Variants in ANXA8 observed in about 807,000 individuals in gnomAD.
The protein encoded by ANXA8 is VAC-beta.
In ANXA8, 9 loss-of-function variants were observed where a neutral mutation model predicts 26.8. The observed-to-expected ratio is 0.34, with a 90% CI of 0.20 to 0.59. The LOEUF (loss-of-function observed/expected upper bound fraction) is 0.59, where lower values mean the gene tolerates loss of function less well. Among genes scored for constraint, ANXA8 ranks in the 20% least tolerant of loss-of-function variants. ANXA8 has a pLI of 0.84. For synonymous variants in ANXA8, 39 were observed against 94.8 expected, an observed-to-expected ratio of 0.41 and a Z score of 3.42; for missense variants, 83 against 238.5, an observed-to-expected ratio of 0.35 and a Z score of 4.29.
chr10:47,521,319 A>C, the ANXA8 span, among the ~76,000 whole-genome samples: 1 of 140,382 alleles, frequency 7.1e-6, no homozygotes, highest in Non-Finnish European at 1.5e-5. Context: ...AAGTTTATAC[A>C]AGTACTTACA....
chr10:47,525,322 C>A, the ANXA8 span, among the ~76,000 whole-genome samples: 4 of 137,940 alleles, frequency 2.9e-5, no homozygotes, highest in African/African-American at 5.7e-5. Context: ...AGGAGAATCA[C>A]TGGAACTCAA....
chr10:47,537,451 C>A, the ANXA8 span, among the ~76,000 whole-genome samples: 73 of 150,744 alleles, frequency 4.8e-4, no homozygotes, highest in East Asian at 3.2e-3. Flanking sequence ...CTAAATGATT[C>A]AATTGTAATT....
At chr10:47,616,654 T>C in the ANXA8 span, among the ~76,000 whole-genome samples, 1 of 66,390 alleles carries the variant, frequency 1.5e-5, no homozygotes, top group East Asian at 2.8e-4. Context: ...TCATGTATGG[T>C]TCCATTGCAG....
At chr10:47,624,126 C>T in the ANXA8 span, among the ~76,000 whole-genome samples, 2 of 103,038 alleles carry the variant, frequency 1.9e-5, 1 homozygote, top group African/African-American at 7.8e-5. Context: ...CCTGTAGTCC[C>T]AGCTACTCGG....
At chr10:47,555,737 T>C in the ANXA8 span, among the ~76,000 whole-genome samples, 14 of 152,028 alleles carry the variant, frequency 9.2e-5, no homozygotes, top group Admixed American at 9.2e-4. Flanking sequence ...TTGATGGCAA[T>C]TCAGAAGTGA....
At chr10:47,945,014 A>G in the ANXA8 span, among the ~76,000 whole-genome samples, 1 of 150,268 alleles carries the variant, frequency 6.7e-6, no homozygotes, top group Admixed American at 6.6e-5. Flanking sequence ...TCTGCCTGGA[A>G]TGTACTCCAC....
the ANXA8 span, among the ~76,000 whole-genome samples, chr10:47,727,132 A>G: frequency 6.6e-6 from 1 of 152,310 alleles, no homozygotes; most frequent in African/African-American, 2.4e-5. Flanking sequence ...GACTTGCTTT[A>G]CACCTGTTAG....
At chr10:47,613,934 C>A in the ANXA8 span, among the ~76,000 whole-genome samples, 1 of 73,048 alleles carries the variant, frequency 1.4e-5, no homozygotes. Context: ...CAGTTCCTAA[C>A]AGGCCCGGTA....
intron 11 of ANXA8, among the ~76,000 whole-genome samples, chr10:47,470,273 C>T (rs1393288187): frequency 6.6e-6 from 1 of 151,166 alleles, no homozygotes; most frequent in Non-Finnish European, 1.5e-5. Context: ...ATGATTCTAA[C>T]TCAATTTTCT....
chr10:47,606,747 A>G, the ANXA8 span, among the ~76,000 whole-genome samples: 4 of 147,084 alleles, frequency 2.7e-5, no homozygotes, highest in East Asian at 4.2e-4. Flanking sequence ...ATACAAAAGA[A>G]TAACTAGTGG....
chr10:47,775,994 G>T, the ANXA8 span, among the ~76,000 whole-genome samples: 10 of 152,000 alleles, frequency 6.6e-5, no homozygotes, highest in African/African-American at 2.2e-4. Flanking sequence ...ATGTGAAGAC[G>T]TGCCACTAGG....
At chr10:47,514,350 G>A in the ANXA8 span, among the ~76,000 whole-genome samples, 1 of 149,330 alleles carries the variant, frequency 6.7e-6, no homozygotes, top group African/African-American at 2.5e-5. Flanking sequence ...ATTATTCTAA[G>A]TGAAATAACT....
the ANXA8 span, among the ~76,000 whole-genome samples, chr10:47,771,603 G>A: frequency 2.2e-4 from 33 of 151,538 alleles, no homozygotes; most frequent in African/African-American, 7.5e-4. Context: ...GTTAGATGGA[G>A]TTTCGCTCTT....
chr10:47,526,579 G>A, the ANXA8 span, among the ~76,000 whole-genome samples: 1 of 129,706 alleles, frequency 7.7e-6, no homozygotes, highest in Non-Finnish European at 1.6e-5. Flanking sequence ...CTGCTGGACA[G>A]TATATGAACC....
At chr10:47,953,742 G>C in the ANXA8 span, among the ~76,000 whole-genome samples, 4 of 150,344 alleles carry the variant, frequency 2.7e-5, no homozygotes, top group Non-Finnish European at 5.9e-5. Flanking sequence ...TATCTGAATA[G>C]ACGCTTCTCA....
the ANXA8 span, among the ~76,000 whole-genome samples, chr10:47,513,501 T>A: frequency 7.0e-6 from 1 of 142,074 alleles, no homozygotes; most frequent in Non-Finnish European, 1.5e-5. Flanking sequence ...CCCATCAAAA[T>A]ACCACCATCC....
At chr10:47,554,581 A>G in the ANXA8 span, among the ~76,000 whole-genome samples, 4 of 150,422 alleles carry the variant, frequency 2.7e-5, no homozygotes, top group African/African-American at 9.8e-5. Context: ...CAGAGACTAC[A>G]TTGTCAGAGG....
At chr10:47,733,269 T>TTCTCTTTCTTTCTC in the ANXA8 span, among the ~76,000 whole-genome samples, 1 of 111,754 alleles carries the variant, frequency 8.9e-6, no homozygotes, top group African/African-American at 3.5e-5. Flanking sequence ...CTTTCTTTCT[T>TTCTCTTTCTTTCTC]TCTTTCTTTC....
chr10:47,726,668 GA>G, the ANXA8 span, among the ~76,000 whole-genome samples: 8 of 152,186 alleles, frequency 5.3e-5, no homozygotes, highest in East Asian at 3.9e-4. Flanking sequence ...AGCTCTTGGG[GA>G]AAAAAAAACC....
Sources: gnomAD v4.1 joint callset for allele counts (sites outside exome capture counted in the v4.1 genomes callset) on GRCh38, gnomAD v4.1.1 for gene constraint, MANE v1.5 for transcripts, NCBI Gene and HGNC (gene_info 2026-07-23, HGNC 2026-07-21) for gene names.